MCC: variants seen among roughly 807,000 people sequenced by gnomAD.
MCC encodes colorectal mutant cancer protein.
Under a neutral mutation model 116.2 loss-of-function variants are expected in MCC, and 90 were observed. That is an observed-to-expected ratio of 0.77 (90% CI 0.65 to 0.92). The LOEUF (loss-of-function observed/expected upper bound fraction) is 0.92. Among genes scored for constraint, MCC ranks in the 40% least tolerant of loss-of-function variants. The pLI is 0.00. For missense variants in MCC, 1,516 were observed against 1,312.2 expected (o/e 1.16, Z -2.40); for synonymous variants, 578 against 510.5 (o/e 1.13, Z -1.78).
intron 7 of MCC, among the ~76,000 whole-genome samples, chr5:113,102,671 A>G (rs1488351879): frequency 6.6e-6 from 1 of 152,274 alleles, no homozygotes; most frequent in Non-Finnish European, 1.5e-5. Flanking sequence ...CATGCATATT[A>G]GGGAAAAAAG....
In MCC at chr5:113,488,375, T is replaced by C. The variant is rs761343275; in HGVS notation, c.40A>G (p.Ser14Gly). 101 of 1,485,552 alleles carry C rather than the reference T, an allele frequency of 6.8e-5. No individual in the cohort carries two copies. The highest frequency in any genetic ancestry group is 8.9e-5 in the Admixed American group (4 of 44,840). The allele number at this position is 1,485,552 out of a possible 1,614,324, so 92.0% of individuals were successfully genotyped here. ...CTGCCGCCGCCGCCGCCGCCGCTGC[T>C]GGAGCTCCCCGCAGCCGCTGCCGCC... is the stretch of plus-strand genomic sequence containing the variant. ...AAAAAAAGSS[S>G]SGGGGGGSGS... The change falls in exon 1 of 19, where the codon AGC (serine) becomes GGC (glycine). Residue 14 changes from serine to glycine, a missense_variant. Transcript: ENST00000408903.
rs529867572 is a variant in MCC at position 113,282,616 on chromosome 5, C to T, written c.627+57903G>A. Among the ~76,000 whole-genome samples the T allele has an allele frequency of 2.0e-5, 3 of 152,170 alleles. No individual in the cohort carries two copies. In the East Asian group the frequency reaches 5.8e-4, roughly 29 times the overall value. On this transcript the variant is annotated intron_variant, in intron 3 of 18. Coordinates refer to ENST00000408903, the MANE Select transcript of MCC (RefSeq NM_001085377.2). ...TAAAAACTCTTCCTGTCCTGGAGTC[C>T]AATGCACTCATTTTTCCCTCTCCTC...
intron 18 of MCC, 130 bp downstream of exon 18, chr5:113,028,804 A>G: frequency 9.1e-7 from 1 of 1,104,320 alleles, no homozygotes; most frequent in South Asian, 1.7e-5. Flanking sequence ...GTAGGGACTC[A>G]CCCACTTTCT....
At chr5:113,288,782 A>G (rs1766362517) in intron 3 of MCC, among the ~76,000 whole-genome samples, 1 of 152,174 alleles carries the variant, frequency 6.6e-6, no homozygotes, top group Admixed American at 6.5e-5. Context: ...GAGAAAGGCT[A>G]CCTGGGCACA....
At chr5:113,391,706 G>A (rs1207499113) in intron 1 of MCC, among the ~76,000 whole-genome samples, 1 of 150,330 alleles carries the variant, frequency 6.7e-6, no homozygotes, top group African/African-American at 2.4e-5. Context: ...GTAACACAGC[G>A]AGACCTTGTC....
chr5:113,410,128 A>G (rs1769942521), intron 1 of MCC, among the ~76,000 whole-genome samples: 1 of 152,204 alleles, frequency 6.6e-6, no homozygotes, highest in South Asian at 2.1e-4. Context: ...CTTGCTGAAC[A>G]TACTGTTTTA....
At chr5:113,087,798 A>T (rs1257130263) in intron 8 of MCC, among the ~76,000 whole-genome samples, 5 of 150,324 alleles carry the variant, frequency 3.3e-5, no homozygotes, top group African/African-American at 7.4e-5. Context: ...ATCTCTATTT[A>T]AAAAAAAATA....
Position 113,083,015 on chromosome 5 carries a change from AAAG to A in MCC, c.1636-10_1636-8del, listed in dbSNP as rs755248004. The A allele has an allele frequency of 1.2e-6, 2 of 1,608,816 alleles. No individual in the cohort carries two copies. Among genetic ancestry groups the A allele is most frequent in the African/African-American group, 2.7e-5 (2 of 74,722 alleles). On this transcript the variant is annotated splice_region_variant and splice_polypyrimidine_tract_variant and intron_variant, in intron 10 of 18. Coordinates refer to ENST00000408903, the MANE Select transcript of MCC (RefSeq NM_001085377.2). The stretch of plus-strand genomic sequence containing the variant: ...CAGCCACACTGCTGGATACCTGCAA[AAAG>A]AAGCATTAATTCCCCTTTGGAACAT...
intron 1 of MCC, among the ~76,000 whole-genome samples, chr5:113,469,236 G>C (rs1285463814): frequency 2.6e-5 from 4 of 152,086 alleles, no homozygotes; most frequent in Non-Finnish European, 5.9e-5. Flanking sequence ...TTTTGAATGT[G>C]TTTGCTCTTG....
At position 113,442,186 on chromosome 5, in the gene MCC, T is replaced by A. The variant is rs113207535; in HGVS notation, c.170+46059A>T. The stretch of plus-strand genomic sequence containing the variant: ...CTGTTGCTTCCTGACTTTTTAATGA[T>A]CCCCATTCTAACTGGCATGAGATAG... On this transcript the variant is annotated intron_variant, in intron 1 of 18. Transcript: ENST00000408903. 1.1e-3 allele frequency among the ~76,000 whole-genome samples: 166 copies of A among 152,318 alleles called. 1 individual carries two copies. The highest frequency in any genetic ancestry group is 3.9e-3 in the African/African-American group (162 of 41,574).
At chr5:113,283,523 T>A (rs1766133318) in intron 3 of MCC, among the ~76,000 whole-genome samples, 2 of 152,216 alleles carry the variant, frequency 1.3e-5, no homozygotes, top group South Asian at 2.1e-4. Flanking sequence ...TAAAAATTTT[T>A]AAAAAGAAAC....
At chr5:113,341,991 C>T (rs925053928) in intron 2 of MCC, among the ~76,000 whole-genome samples, 1 of 150,580 alleles carries the variant, frequency 6.6e-6, no homozygotes, top group Non-Finnish European at 1.5e-5. Context: ...CTCACCCCCC[C>T]ACTCACACTT....
At chr5:113,342,593 G>A (rs562373523) in intron 2 of MCC, among the ~76,000 whole-genome samples, 1 of 152,356 alleles carries the variant, frequency 6.6e-6, no homozygotes, top group East Asian at 1.9e-4. Context: ...GAGATGAATG[G>A]GGAATGTTCA....
chr5:113,466,171 CTTT>C (rs11400769), intron 1 of MCC, among the ~76,000 whole-genome samples: 3 of 149,466 alleles, frequency 2.0e-5, no homozygotes, highest in Non-Finnish European at 3.0e-5. Flanking sequence ...AGTAGCCATT[CTTT>C]TTTTTTTTTA....
At chr5:113,469,112 G>A (rs1425067918) in intron 1 of MCC, among the ~76,000 whole-genome samples, 1 of 151,916 alleles carries the variant, frequency 6.6e-6, no homozygotes, top group African/African-American at 2.4e-5. Context: ...TATCAATTTT[G>A]TTGACCTTTT....
At chr5:113,159,995 G>T (rs564312336) in intron 3 of MCC, among the ~76,000 whole-genome samples, 1 of 152,334 alleles carries the variant, frequency 6.6e-6, no homozygotes, top group South Asian at 2.1e-4. Context: ...TTCATTGAGA[G>T]GTCAGTGGCC....
intron 3 of MCC, among the ~76,000 whole-genome samples, chr5:113,269,455 G>T (rs770050531): frequency 1.3e-5 from 2 of 152,142 alleles, no homozygotes; most frequent in Non-Finnish European, 2.9e-5. Flanking sequence ...CTCCCCCAAG[G>T]TGACACCAAA....
At chr5:113,227,899 A>C (rs1046448827) in intron 3 of MCC, among the ~76,000 whole-genome samples, 1 of 152,226 alleles carries the variant, frequency 6.6e-6, no homozygotes, top group Admixed American at 6.5e-5. Flanking sequence ...AAGACTGCTC[A>C]TCAGCTGTCA....
intron 8 of MCC, among the ~76,000 whole-genome samples, chr5:113,090,293 T>C (rs996420683): frequency 1.3e-5 from 2 of 151,850 alleles, no homozygotes; most frequent in African/African-American, 2.4e-5. Flanking sequence ...GGCTTCTATT[T>C]TCTCTGCTAG....
Sources: gnomAD v4.1 joint callset for allele counts (sites outside exome capture counted in the v4.1 genomes callset) on GRCh38, gnomAD v4.1.1 for gene constraint, MANE v1.5 for transcripts, NCBI Gene and HGNC (gene_info 2026-07-23, HGNC 2026-07-21) for gene names.